The following MATN2 variants were observed in gnomAD, a reference collection of about 807,000 sequenced individuals.
MATN2 encodes matrilin 2.
In MATN2, 69 loss-of-function variants were observed where a neutral mutation model predicts 103.2. The observed-to-expected ratio is 0.67, with a 90% CI of 0.55 to 0.82. The LOEUF (loss-of-function observed/expected upper bound fraction) is 0.82. MATN2 is among the 40% of genes least tolerant of loss of function. The pLI is 0.00. For synonymous variants in MATN2, 429 were observed against 450.2 expected (o/e 0.95, Z 0.60); for missense variants, 1,023 against 1,211.5 (o/e 0.84, Z 2.31).
At chr8:97,963,149 T>TAAACAAAA (rs1811368245) in intron 5 of MATN2, among the ~76,000 whole-genome samples, 1 of 152,202 alleles carries the variant, frequency 6.6e-6, no homozygotes, top group South Asian at 2.1e-4. Flanking sequence ...AACAAACAAA[T>TAAACAAAA]AAACAAAAAA....
chr8:98,026,200 A>T (rs1253680998), intron 13 of MATN2, among the ~76,000 whole-genome samples: 1 of 148,232 alleles, frequency 6.7e-6, no homozygotes, highest in Non-Finnish European at 1.5e-5. Flanking sequence ...AAAAAAAAAA[A>T]TGCCTGAAAA....
chr8:97,974,146 T>C (rs1349257296), intron 5 of MATN2, among the ~76,000 whole-genome samples: 2 of 152,186 alleles, frequency 1.3e-5, no homozygotes, highest in Non-Finnish European at 2.9e-5. Context: ...ATTTTATTTA[T>C]TTATTTATTT....
intron 13 of MATN2, among the ~76,000 whole-genome samples, chr8:98,024,201 T>A (rs1349159843): frequency 6.6e-6 from 1 of 151,980 alleles, no homozygotes; most frequent in Non-Finnish European, 1.5e-5. Context: ...AAAATAAAAT[T>A]AAATTTAAAA....
chr8:97,920,801 G>A (rs117973599), intron 2 of MATN2, among the ~76,000 whole-genome samples: 4 of 152,218 alleles, frequency 2.6e-5, no homozygotes, highest in East Asian at 3.9e-4. Flanking sequence ...AAGACAAATC[G>A]GTTTATTTTC....
At chr8:97,973,316 G>A (rs1192841573) in intron 5 of MATN2, among the ~76,000 whole-genome samples, 1 of 152,112 alleles carries the variant, frequency 6.6e-6, no homozygotes, top group Non-Finnish European at 1.5e-5. Flanking sequence ...AGAGAGCTGT[G>A]TACACAAAGA....
At chr8:97,947,679 A>G (rs1318129643) in intron 4 of MATN2, among the ~76,000 whole-genome samples, 1 of 152,248 alleles carries the variant, frequency 6.6e-6, no homozygotes, top group Non-Finnish European at 1.5e-5. Context: ...CAAGATGTCA[A>G]TTCTTTCCAA....
At chr8:97,895,495 C>T (rs975413324) in intron 2 of MATN2, among the ~76,000 whole-genome samples, 6 of 152,224 alleles carry the variant, frequency 3.9e-5, no homozygotes, top group African/African-American at 7.2e-5. Context: ...TCCTCCCTCT[C>T]CAGGCAAGAC....
chr8:97,878,699 A>G (rs1208467303), intron 1 of MATN2, among the ~76,000 whole-genome samples: 1 of 151,866 alleles, frequency 6.6e-6, no homozygotes, highest in African/African-American at 2.4e-5. Context: ...AAAATACAAA[A>G]AATTAGCTGG....
At chr8:97,943,448 ACCT>A (rs376896350) in intron 4 of MATN2, among the ~76,000 whole-genome samples, 7 of 125,276 alleles carry the variant, frequency 5.6e-5, no homozygotes, top group South Asian at 2.8e-4. Context: ...CTCCTCCTCC[ACCT>A]CCTCCTCCTC....
chr8:97,927,877 A>T (rs1428247420), intron 2 of MATN2, among the ~76,000 whole-genome samples: 1 of 152,224 alleles, frequency 6.6e-6, no homozygotes, highest in Admixed American at 6.5e-5. Context: ...AGGCTCTGCT[A>T]CTTCCAAAGA....
At chr8:97,984,050 C>T (rs188582980) in intron 6 of MATN2, among the ~76,000 whole-genome samples, 2 of 152,340 alleles carry the variant, frequency 1.3e-5, no homozygotes, top group East Asian at 3.9e-4. Flanking sequence ...TACCTTCCTA[C>T]AGCCTGTAAT....
chr8:97,965,864 G>C (rs1164241640), intron 5 of MATN2, among the ~76,000 whole-genome samples: 1 of 151,964 alleles, frequency 6.6e-6, no homozygotes, highest in Non-Finnish European at 1.5e-5. Flanking sequence ...GTCACCTGTA[G>C]TCCCAGCTAC....
In MATN2 at chr8:98,033,135, T is replaced by TAAA; in HGVS notation, c.2676_2677insAAA (p.Leu892_Arg893insLys). The TAAA allele has an allele frequency of 6.2e-7, 1 of 1,610,882 alleles. No homozygotes were observed. Among genetic ancestry groups the TAAA allele is most frequent in the East Asian group, 2.2e-5 (1 of 44,836 alleles). On this transcript the variant is annotated inframe_insertion, in exon 17 of 19. Coordinates refer to ENST00000254898, the MANE Select transcript of MATN2 (RefSeq NM_002380.5). ...TATCTGTTTGAAGAAGACAATCTTT[T>TAAA]ACGGTCTACACAAAAGCTTTCCCAT...
intron 2 of MATN2, among the ~76,000 whole-genome samples, chr8:97,913,296 G>A (rs1298764682): frequency 6.6e-6 from 1 of 151,904 alleles, no homozygotes; most frequent in East Asian, 1.9e-4. Context: ...AAGTGCCAAT[G>A]GACATGGACA....
intron 2 of MATN2, among the ~76,000 whole-genome samples, chr8:97,907,327 T>TG (rs1819208525): frequency 6.7e-6 from 1 of 150,102 alleles, no homozygotes. Flanking sequence ...TTTTTTTTTT[T>TG]TTGAGATGGA....
intron 17 of MATN2, among the ~76,000 whole-genome samples, 169 bp from the exon 18 acceptor site, chr8:98,033,392 T>C (rs189594275): frequency 7.7e-4 from 117 of 152,360 alleles, no homozygotes; most frequent in African/African-American, 2.8e-3. Flanking sequence ...ACTTCCAGTG[T>C]TGGAAGCATA....
At position 98,021,339 on chromosome 8, in the gene MATN2, G is replaced by A; in HGVS notation, c.1942+12G>A. The stretch of plus-strand genomic sequence containing the variant: ...AAGACGGTGCAAGAGTAAGTGATCT[G>A]AACTTGGCTCTCTGCTTTAATTTTG... On this transcript the variant is annotated intron_variant, in intron 13 of 18. Transcript: ENST00000254898. 6.2e-7 allele frequency: 1 copy of A among 1,609,334 alleles called. No homozygotes were observed. Among genetic ancestry groups the A allele is most frequent in the Non-Finnish European group, 8.5e-7 (1 of 1,177,876 alleles).
At chr8:97,933,062 C>G (rs1035047840) in intron 3 of MATN2, among the ~76,000 whole-genome samples, 2 of 152,154 alleles carry the variant, frequency 1.3e-5, no homozygotes, top group African/African-American at 4.8e-5. Context: ...TAAACAAAAT[C>G]CCCTGCTGAG....
In MATN2 at chr8:97,982,627, A is replaced by G. The variant is rs979881351; in HGVS notation, c.1081+3619A>G. Among the ~76,000 whole-genome samples the G allele has an allele frequency of 1.3e-5, 2 of 152,230 alleles. No homozygotes were observed. The highest frequency in any genetic ancestry group is 4.8e-5 in the African/African-American group (2 of 41,458). On this transcript the variant is annotated intron_variant, in intron 6 of 18. Coordinates refer to ENST00000254898, the MANE Select transcript of MATN2 (RefSeq NM_002380.5). The surrounding 1 kb of genome is among the most constrained non-coding windows in gnomAD (Gnocchi z 4.3). ...AATTTATGATTAAGCAAAAATGTAC[A>G]TAATAGGGCTTTATGTTCATGAACC...
Sources: allele counts gnomAD v4.1 joint callset (sites outside exome capture counted in the v4.1 genomes callset), GRCh38; gene constraint gnomAD v4.1.1; non-coding constraint Gnocchi (gnomAD v3.1); transcripts MANE v1.5; gene names NCBI Gene and HGNC (gene_info 2026-07-23, HGNC 2026-07-21).